The following TANGO6 variants were observed in gnomAD, a reference collection of about 807,000 sequenced individuals.
The protein encoded by TANGO6 is transport and golgi organization 6 homolog.
A neutral mutation model predicts 114.2 loss-of-function variants in TANGO6; 90 were observed. The ratio of observed to expected loss-of-function variants is 0.79; its 90% CI spans 0.66 to 0.94. The LOEUF is 0.94. Among genes scored for constraint, TANGO6 ranks in the 40% least tolerant of loss-of-function variants. The probability of loss-of-function intolerance (pLI) is 0.00; values close to 1 mark genes in which losing one functional copy is unlikely to be tolerated. For synonymous variants in TANGO6, 477 were observed against 509.8 expected, an observed-to-expected ratio of 0.94 and a Z score of 0.87; for missense variants, 1,274 against 1,315.3, an observed-to-expected ratio of 0.97 and a Z score of 0.49.
At chr16:68,957,782 G>A (rs1358270973) in intron 14 of TANGO6, among the ~76,000 whole-genome samples, 2 of 152,080 alleles carry the variant, frequency 1.3e-5, no homozygotes, top group Non-Finnish European at 2.9e-5. Context: ...TACAAGATAA[G>A]TTTGAAAATA....
intron 17 of TANGO6, among the ~76,000 whole-genome samples, chr16:69,070,159 G>T (rs1960275757): frequency 6.6e-6 from 1 of 151,586 alleles, no homozygotes; most frequent in Non-Finnish European, 1.5e-5. Context: ...AGTGAGCCGA[G>T]ATCGTGCCAC....
intron 14 of TANGO6, among the ~76,000 whole-genome samples, chr16:68,933,586 C>T (rs1461475887): frequency 6.6e-6 from 1 of 152,192 alleles, no homozygotes; most frequent in African/African-American, 2.4e-5. Context: ...TTCATGTGTT[C>T]CTGATCATCC....
intron 15 of TANGO6, among the ~76,000 whole-genome samples, chr16:68,980,887 C>T (rs1051706800): frequency 3.3e-5 from 5 of 151,764 alleles, no homozygotes; most frequent in African/African-American, 7.2e-5. Flanking sequence ...GCCAGCTACT[C>T]GGGAAGCTGA....
At chr16:69,080,386 T>C (rs956862960) in intron 17 of TANGO6, among the ~76,000 whole-genome samples, 4 of 151,996 alleles carry the variant, frequency 2.6e-5, no homozygotes, top group African/African-American at 9.7e-5. Flanking sequence ...CTGGGCAACA[T>C]AGCAAAAAAA....
intron 12 of TANGO6, among the ~76,000 whole-genome samples, chr16:68,921,607 CTTTTTTTTT>C (rs1167059062): frequency 1.7e-5 from 1 of 57,944 alleles, no homozygotes; most frequent in African/African-American, 8.3e-5. Context: ...TGAGAGTGTG[CTTTTTTTTT>C]TTTTTTTTTT....
chr16:68,976,909 C>G (rs892536089), intron 15 of TANGO6, among the ~76,000 whole-genome samples: 21 of 152,256 alleles, frequency 1.4e-4, no homozygotes, highest in Admixed American at 1.3e-3. Flanking sequence ...TTGTCCTTGG[C>G]TTTTTAGTAA....
At chr16:68,916,245 C>T (rs8056018) in intron 11 of TANGO6, among the ~76,000 whole-genome samples, 13,316 of 152,152 alleles carry the variant, frequency 0.088, 607 homozygotes, top group Admixed American at 0.11. Context: ...GGCCGCATAA[C>T]TGGAGGTGAG....
chr16:68,900,212 C>T, intron 7 of TANGO6: 1 of 547,822 alleles, frequency 1.8e-6, no homozygotes, highest in Non-Finnish European at 3.2e-6. Context: ...AGGGACTGCA[C>T]ACATGAAATG....
At chr16:68,904,227 C>T (rs879127028) in intron 9 of TANGO6, among the ~76,000 whole-genome samples, 1 of 152,126 alleles carries the variant, frequency 6.6e-6, no homozygotes, top group Non-Finnish European at 1.5e-5. Flanking sequence ...TTGTCTCAGC[C>T]TGCCAAGTAG....
intron 17 of TANGO6, among the ~76,000 whole-genome samples, chr16:69,078,000 T>C (rs1597082400): frequency 6.6e-6 from 1 of 152,116 alleles, no homozygotes; most frequent in East Asian, 1.9e-4. Flanking sequence ...ACAGTCCTGA[T>C]AGGGGCTACA....
intron 14 of TANGO6, 70 bp downstream of exon 14, chr16:68,930,365 A>G: frequency 7.4e-7 from 1 of 1,351,020 alleles, no homozygotes; most frequent in Non-Finnish European, 1.0e-6. Context: ...TTTGCACAAA[A>G]TCTCTAAAGT....
rs61017260 is a variant in TANGO6, at chr16:69,046,063, C to CAAA, written c.3108+5659_3108+5661dup. Among the ~76,000 whole-genome samples the CAAA allele has an allele frequency of 1.5e-3, 139 of 95,786 alleles. 2 individuals carry two copies. The highest frequency in any genetic ancestry group is 3.5e-3 in the South Asian group (9 of 2,566). 62.8% of individuals were successfully genotyped at this position (95,786 alleles called of 152,430 possible). ...TGGGTGATAGAGCGAGACTCCAACT[C>CAAA]AAAAAAAAAAAAAAAAAAATTAAAA... is the stretch of plus-strand genomic sequence containing the variant. On this transcript the variant is annotated intron_variant, in intron 17 of 17. Transcript: ENST00000261778.
At position 68,860,916 on chromosome 16, in the gene TANGO6, A is replaced by G. The variant is rs189385727; in HGVS notation, c.735+392A>G. On this transcript the variant is annotated intron_variant, in intron 2 of 17. Transcript: ENST00000261778. Reference sequence around the variant, plus strand: ...AGTGATAATTCCTACTGATATTAGTATCATGGCTCCCTCATTAAATGCTTG... The same window carrying G: ...AGTGATAATTCCTACTGATATTAGTGTCATGGCTCCCTCATTAAATGCTTG... Among the ~76,000 whole-genome samples, 9 of 152,332 alleles carry G rather than the reference A, an allele frequency of 5.9e-5. No individual in the cohort carries two copies. In the East Asian group the frequency reaches 1.7e-3, roughly 29 times the overall value.
In TANGO6 at chr16:69,082,584, A is replaced by G. The variant is rs2152246133; in HGVS notation, c.3109-901A>G. 1.3e-5 allele frequency among the ~76,000 whole-genome samples: 2 copies of G among 152,222 alleles called. 1 individual carries two copies. Among genetic ancestry groups the G allele is most frequent in the South Asian group, 4.1e-4 (2 of 4,820 alleles). On this transcript the variant is annotated intron_variant, in intron 17 of 17. Coordinates refer to ENST00000261778, the MANE Select transcript of TANGO6 (RefSeq NM_024562.2). ...ACAAGGTGAAACCCTGTCTCTACTA[A>G]AAATACAAAAATTAGCTGGGCGTGG... is the stretch of plus-strand genomic sequence containing the variant.
Position 69,084,025 on chromosome 16 carries a change from G to A in TANGO6, c.*364G>A. 5.9e-6 allele frequency: 1 copy of A among 169,502 alleles called. No individual in the cohort carries two copies. The highest frequency in any genetic ancestry group is 1.3e-5 in the Non-Finnish European group (1 of 79,272). 10.5% of individuals were successfully genotyped at this position (169,502 alleles called of 1,614,324 possible). A position where few individuals can be genotyped will look rare whatever the true frequency, so the allele number is the denominator to read the frequency against. On this transcript the variant is annotated 3_prime_UTR_variant, in exon 18 of 18. Coordinates refer to ENST00000261778, the MANE Select transcript of TANGO6 (RefSeq NM_024562.2). ...CTTGGAACTTGAGGAGAAGCGGTTGGCCACCCATATGTCACCTAGCTCTAT... is the reference window on the plus strand; with the variant it reads ...CTTGGAACTTGAGGAGAAGCGGTTGACCACCCATATGTCACCTAGCTCTAT...
intron 15 of TANGO6, among the ~76,000 whole-genome samples, chr16:68,976,419 T>C (rs1367704572): frequency 1.3e-5 from 2 of 152,226 alleles, no homozygotes; most frequent in Non-Finnish European, 2.9e-5. Flanking sequence ...TGCTGTTTAT[T>C]GAGTGCTCAT....
intron 15 of TANGO6, among the ~76,000 whole-genome samples, chr16:69,011,116 A>C (rs962082188): frequency 6.6e-6 from 1 of 152,154 alleles, no homozygotes; most frequent in Admixed American, 6.6e-5. Context: ...ATTTTTGGAA[A>C]ATATAATTCG....
intron 13 of TANGO6, among the ~76,000 whole-genome samples, chr16:68,929,381 C>T (rs935823578): frequency 2.0e-5 from 3 of 152,112 alleles, no homozygotes; most frequent in African/African-American, 7.2e-5. Flanking sequence ...CTCTTTATTT[C>T]CATGGCCATT....
chr16:68,911,097 C>A (rs148323613), intron 11 of TANGO6, among the ~76,000 whole-genome samples: 248 of 152,096 alleles, frequency 1.6e-3, no homozygotes, highest in African/African-American at 5.4e-3. Flanking sequence ...AAGTAAAGAA[C>A]CAGAGTAAAG....
Sources: allele counts gnomAD v4.1 joint callset (sites outside exome capture counted in the v4.1 genomes callset), GRCh38; gene constraint gnomAD v4.1.1; transcripts MANE v1.5; gene names NCBI Gene and HGNC (gene_info 2026-07-23, HGNC 2026-07-21).